The following PKD1L1 variants were observed in gnomAD, a reference collection of about 807,000 sequenced individuals.
PKD1L1 encodes the protein polycystin-1-like protein 1.
In PKD1L1, 236 loss-of-function variants were observed where a neutral mutation model predicts 323.4. The observed-to-expected ratio is 0.73, with a 90% CI of 0.66 to 0.81. The LOEUF (loss-of-function observed/expected upper bound fraction) is 0.81. Among genes scored for constraint, PKD1L1 ranks in the 40% least tolerant of loss-of-function variants. PKD1L1 has a pLI of 0.00. For missense variants in PKD1L1, 3,320 were observed against 3,508.0 expected, an observed-to-expected ratio of 0.95 and a Z score of 1.35; for synonymous variants, 1,344 against 1,335.0, an observed-to-expected ratio of 1.01 and a Z score of -0.15.
chr7:47,933,352 G>C (rs1787808336), intron 4 of PKD1L1, among the ~76,000 whole-genome samples: 1 of 152,084 alleles, frequency 6.6e-6, no homozygotes, highest in South Asian at 2.1e-4. Flanking sequence ...CCCTTCCTGA[G>C]TCGTCATTTT....
chr7:47,919,471 G>A (rs1288222949), intron 7 of PKD1L1, among the ~76,000 whole-genome samples: 3 of 152,076 alleles, frequency 2.0e-5, no homozygotes, highest in African/African-American at 7.2e-5. Flanking sequence ...CAATCCTATT[G>A]ACACTATTCC....
intron 8 of PKD1L1, among the ~76,000 whole-genome samples, chr7:47,909,857 G>A (rs1487163051): frequency 6.6e-6 from 1 of 152,182 alleles, no homozygotes; most frequent in East Asian, 1.9e-4. Context: ...CTATCTCTGG[G>A]GAAGAATAGT....
At chr7:47,882,719 T>C (rs73333662) in intron 19 of PKD1L1, among the ~76,000 whole-genome samples, 25,156 of 151,432 alleles carry the variant, frequency 0.17, 6,495 homozygotes, top group African/African-American at 0.56. Flanking sequence ...GGAGGAAAAA[T>C]GTGGCTGGAG....
intron 2 of PKD1L1, among the ~76,000 whole-genome samples, chr7:47,942,647 T>A (rs553159153): frequency 3.9e-5 from 6 of 152,254 alleles, no homozygotes; most frequent in Non-Finnish European, 7.3e-5. Context: ...AAAACAGAGA[T>A]ACTCTCTGTG....
chr7:47,807,308 A>C (rs1006994277), intron 52 of PKD1L1, among the ~76,000 whole-genome samples: 6 of 152,080 alleles, frequency 3.9e-5, no homozygotes, highest in African/African-American at 1.4e-4. Context: ...TGGTGGAGGA[A>C]GCAGAAGTGT....
chr7:47,884,693 A>T (rs779803883), intron 18 of PKD1L1, 36 bp from the exon 19 acceptor site: 1 of 1,556,116 alleles, frequency 6.4e-7, no homozygotes, highest in East Asian at 2.2e-5. Context: ...GTTTCCTTTA[A>T]AATCACAGAA....
rs772459928 is a variant in PKD1L1 at position 47,829,425 on chromosome 7, T to C, written c.6735A>G (p.Lys2245=). Residue 2245 remains lysine (K), a splice_region_variant and synonymous_variant, in exon 44 of 57, where the codon AAA becomes AAG. Transcript: ENST00000289672. ...GCACTGCATAGGTAATTTTTTTTAC[T>C]TTTTCAACCTCGCCTGCACAGTCAG... ...SIPDCAGEVE[K]VLAARQQARH... 6.3e-7 allele frequency: 1 copy of C among 1,587,368 alleles called. No homozygotes were observed. The highest frequency in any genetic ancestry group is 1.2e-5 in the South Asian group (1 of 86,514).
chr7:47,809,364 T>C, intron 51 of PKD1L1, 109 bp downstream of exon 51: 3 of 783,018 alleles, frequency 3.8e-6, no homozygotes, highest in Non-Finnish European at 4.0e-6. Flanking sequence ...AAAACTGCAA[T>C]AATGTTGGCA....
At chr7:47,781,399 GTTTTGTTTTGT>G (rs1562927350) in intron 56 of PKD1L1, among the ~76,000 whole-genome samples, 10 of 71,770 alleles carry the variant, frequency 1.4e-4, no homozygotes, top group African/African-American at 4.5e-4. Flanking sequence ...TTTTTTTTTT[GTTTTGTTTTGT>G]TTTTTTTTTT....
intron 24 of PKD1L1, among the ~76,000 whole-genome samples, chr7:47,872,984 AAAAG>A (rs1178988644): frequency 1.3e-5 from 2 of 152,250 alleles, no homozygotes; most frequent in African/African-American, 4.8e-5. Context: ...TCAGCAACAA[AAAAG>A]AATGAAGTAC....
At position 47,894,194 on chromosome 7, in the gene PKD1L1, T is replaced by C. The variant is rs2128749314; in HGVS notation, c.2272-135A>G. 4.1e-6 allele frequency: 3 copies of C among 738,840 alleles called. No homozygotes were observed. The East Asian group carries it at 8.6e-5, about 21-fold the overall frequency. 45.8% of individuals were successfully genotyped at this position (738,840 alleles called of 1,614,324 possible). A position where few individuals can be genotyped will look rare whatever the true frequency, so the allele number is the denominator to read the frequency against. On this transcript the variant is annotated intron_variant, in intron 14 of 56. Transcript: ENST00000289672. Reference sequence around the variant, plus strand: ...TCCCTGGCTCCAACTAAAACAGTCTTGGTAGTCAAAATAACCACTCTACTG... The same window carrying C: ...TCCCTGGCTCCAACTAAAACAGTCTCGGTAGTCAAAATAACCACTCTACTG...
At chr7:47,782,918 C>T (rs1786728503) in intron 56 of PKD1L1, among the ~76,000 whole-genome samples, 1 of 152,132 alleles carries the variant, frequency 6.6e-6, no homozygotes, top group Non-Finnish European at 1.5e-5. Context: ...ACACTCACTC[C>T]CAAACCGCTG....
Position 47,792,896 on chromosome 7 carries a change from T to A in PKD1L1, c.8356-99A>T, listed in dbSNP as rs1415929743. ...ATTTAGGGGTATCATCTGTAGACAGTATTGGGCTATGTTAGGAAACATACT... is the reference window on the plus strand; with the variant it reads ...ATTTAGGGGTATCATCTGTAGACAGAATTGGGCTATGTTAGGAAACATACT... On this transcript the variant is annotated intron_variant, in intron 55 of 56. Coordinates refer to ENST00000289672, the MANE Select transcript of PKD1L1 (RefSeq NM_138295.5). 1.1e-5 allele frequency: 13 copies of A among 1,146,856 alleles called. No homozygotes were observed. The East Asian group carries it at 3.0e-4, about 26-fold the overall frequency. The allele number at this position is 1,146,856 out of a possible 1,614,324, so 71.0% of individuals were successfully genotyped here. A position where few individuals can be genotyped will look rare whatever the true frequency, so the allele number is the denominator to read the frequency against.
In PKD1L1 at chr7:47,813,993, A is replaced by C; in HGVS notation, c.7111T>G (p.Cys2371Gly). Reference protein sequence around the residue: ...GAQPGALGGKCYLIGSSVIRQ... With the variant: ...GAQPGALGGKGYLIGSSVIRQ... ...ATTACGGAACTGCCTATTAGGTAGC[A>C]TTTTCCTCCAAGAGCTCCAGGCTGA... is the stretch of plus-strand genomic sequence containing the variant. The change falls in exon 48 of 57, where the codon TGC becomes GGC. Residue 2371 changes from cysteine (C) to glycine (G), a missense_variant. Transcript: ENST00000289672. 1 of 1,614,030 alleles carries C rather than the reference A, an allele frequency of 6.2e-7. No individual in the cohort carries two copies. Among genetic ancestry groups the C allele is most frequent in the Non-Finnish European group, 8.5e-7 (1 of 1,180,012 alleles).
At chr7:47,810,542 C>T (rs906025575) in intron 50 of PKD1L1, among the ~76,000 whole-genome samples, 4 of 146,820 alleles carry the variant, frequency 2.7e-5, no homozygotes, top group African/African-American at 5.1e-5. Context: ...CCCTCCATTG[C>T]GCCCACACCA....
At position 47,802,398 on chromosome 7, in the gene PKD1L1, G is replaced by C. The variant is rs371465534; in HGVS notation, c.7962+812C>G. On this transcript the variant is annotated intron_variant, in intron 53 of 56. Transcript: ENST00000289672. ...GTGAGCTGGAGTGTGGGACAGCCAG[G>C]TTCAAATGCTGCTCTCTCTGACTCT... Among the ~76,000 whole-genome samples, 205 of 152,262 alleles carry C rather than the reference G, an allele frequency of 1.3e-3. 1 individual carries two copies. Among genetic ancestry groups the C allele is most frequent in the African/African-American group, 4.6e-3 (191 of 41,550 alleles).
chr7:47,896,267 T>G (rs908531456), intron 14 of PKD1L1, among the ~76,000 whole-genome samples: 1 of 141,534 alleles, frequency 7.1e-6, no homozygotes, highest in Non-Finnish European at 1.5e-5. Flanking sequence ...AGGGAGAGGT[T>G]GCAGTGAGCC....
At chr7:47,955,552 G>A in the PKD1L1 span, among the ~76,000 whole-genome samples, 1 of 151,976 alleles carries the variant, frequency 6.6e-6, no homozygotes, top group African/African-American at 2.4e-5. Context: ...TTAACTATAA[G>A]TCATACATTT....
At chr7:47,931,857 G>A (rs982398080) in intron 5 of PKD1L1, 79 bp downstream of exon 5, 22 of 1,501,780 alleles carry the variant, frequency 1.5e-5, no homozygotes, top group Non-Finnish European at 2.0e-5. Flanking sequence ...GCCTACATAC[G>A]GGTGAGTCTC....
Sources: gnomAD v4.1 joint callset for allele counts (sites outside exome capture counted in the v4.1 genomes callset) on GRCh38, gnomAD v4.1.1 for gene constraint, MANE v1.5 for transcripts, NCBI Gene and HGNC (gene_info 2026-07-23, HGNC 2026-07-21) for gene names.